The following LDLRAD4 variants were observed in gnomAD, a reference collection of about 807,000 sequenced individuals.
LDLRAD4 encodes the protein low density lipoprotein receptor class A domain containing 4, also known as low-density lipoprotein receptor class A domain-containing protein 4.
LDLRAD4 carries 5 observed loss-of-function variants against 17.0 expected under a neutral mutation model. The observed-to-expected ratio is 0.29, with a 90% confidence interval of 0.15 to 0.62. The LOEUF (loss-of-function observed/expected upper bound fraction) is 0.62, where lower values mean the gene tolerates loss of function less well. Among genes scored for constraint, LDLRAD4 ranks in the 20% least tolerant of loss-of-function variants. The pLI, the probability that LDLRAD4 is intolerant of heterozygous loss-of-function variation, is 0.84. For missense variants in LDLRAD4, 340 were observed against 424.7 expected (o/e 0.80, Z 1.75); for synonymous variants, 168 against 171.8 (o/e 0.98, Z 0.17).
intron 3 of LDLRAD4, among the ~76,000 whole-genome samples, chr18:13,460,392 C>A (rs866950961): frequency 6.6e-6 from 1 of 152,094 alleles, no homozygotes; most frequent in Non-Finnish European, 1.5e-5. Flanking sequence ...GGGGTCTCAC[C>A]GTTTTGCCCA....
intron 2 of LDLRAD4, among the ~76,000 whole-genome samples, chr18:13,411,655 C>T (rs1337602777): frequency 1.3e-5 from 2 of 152,168 alleles, no homozygotes; most frequent in Non-Finnish European, 2.9e-5. Context: ...TGACTTTGCT[C>T]CTCATTTGCC....
intron 3 of LDLRAD4, among the ~76,000 whole-genome samples, chr18:13,569,247 G>GCCTC (rs1315640804): frequency 1.3e-5 from 2 of 151,668 alleles, no homozygotes; most frequent in African/African-American, 4.9e-5. Context: ...CCACGCTTGG[G>GCCTC]CCTCCCAGGG....
intron 4 of LDLRAD4, chr18:13,642,391 A>G (rs1286452682): frequency 9.4e-7 from 1 of 1,066,830 alleles, no homozygotes; most frequent in Non-Finnish European, 1.1e-6. Flanking sequence ...AAAGGGTACC[A>G]CGCGTACTTT....
chr18:13,532,627 G>A (rs1377934800), intron 3 of LDLRAD4, among the ~76,000 whole-genome samples: 1 of 152,170 alleles, frequency 6.6e-6, no homozygotes, highest in Admixed American at 6.5e-5. Flanking sequence ...AACCAGTCTC[G>A]TCTCAGCCCC....
chr18:13,356,442 T>C (rs1219999230), intron 1 of LDLRAD4, among the ~76,000 whole-genome samples: 1 of 152,266 alleles, frequency 6.6e-6, no homozygotes, highest in East Asian at 1.9e-4. Context: ...ATCTATTTTA[T>C]TGCATCATAA....
At chr18:13,519,059 A>G (rs533142385) in intron 3 of LDLRAD4, among the ~76,000 whole-genome samples, 6 of 152,270 alleles carry the variant, frequency 3.9e-5, no homozygotes, top group East Asian at 3.8e-4. Flanking sequence ...GCAAGAGTGC[A>G]TTAAAATGGA....
intron 4 of LDLRAD4, among the ~76,000 whole-genome samples, chr18:13,627,110 A>C (rs1227069778): frequency 6.6e-6 from 1 of 152,150 alleles, no homozygotes. Flanking sequence ...TCTCTACTCA[A>C]AAATACAAAA....
chr18:13,497,207 G>A (rs1334856170), intron 3 of LDLRAD4, among the ~76,000 whole-genome samples: 1 of 151,978 alleles, frequency 6.6e-6, no homozygotes, highest in Non-Finnish European at 1.5e-5. Flanking sequence ...TTAGAGATGG[G>A]GTCTCACTCT....
chr18:13,327,141 G>A (rs551839550), intron 1 of LDLRAD4, among the ~76,000 whole-genome samples: 1 of 152,130 alleles, frequency 6.6e-6, no homozygotes, highest in African/African-American at 2.4e-5. Context: ...CGTGGACTCT[G>A]CGGCAGAGTC....
intron 3 of LDLRAD4, among the ~76,000 whole-genome samples, chr18:13,449,368 G>A (rs986384056): frequency 1.3e-5 from 2 of 152,242 alleles, no homozygotes; most frequent in Non-Finnish European, 2.9e-5. Flanking sequence ...ATGGCAGGGG[G>A]CTGGGCTGTG....
intron 4 of LDLRAD4, among the ~76,000 whole-genome samples, chr18:13,624,217 C>T (rs905589909): frequency 1.1e-4 from 17 of 152,024 alleles, no homozygotes; most frequent in African/African-American, 3.9e-4. Flanking sequence ...CCCAGGGGCA[C>T]TTCACTGTAA....
At chr18:13,259,168 C>T (rs1014869109) in intron 1 of LDLRAD4, among the ~76,000 whole-genome samples, 5 of 152,128 alleles carry the variant, frequency 3.3e-5, no homozygotes, top group South Asian at 2.1e-4. Context: ...TTCCTTCCTT[C>T]GTCCTCCTCT....
intron 3 of LDLRAD4, among the ~76,000 whole-genome samples, chr18:13,438,714 A>G (rs1384890594): frequency 6.6e-6 from 1 of 152,264 alleles, no homozygotes; most frequent in African/African-American, 2.4e-5. Flanking sequence ...TTAAATAAGC[A>G]AAGAAAGATA....
intron 1 of LDLRAD4, among the ~76,000 whole-genome samples, chr18:13,324,218 A>T (rs2081396902): frequency 6.6e-6 from 1 of 150,502 alleles, no homozygotes; most frequent in Non-Finnish European, 1.5e-5. Context: ...GCTCACTGCA[A>T]GCTCCGCCTC....
chr18:13,415,539 C>G (rs569150529), intron 2 of LDLRAD4, among the ~76,000 whole-genome samples: 168 of 152,266 alleles, frequency 1.1e-3, no homozygotes, highest in African/African-American at 3.8e-3. Flanking sequence ...AGACTTGTCT[C>G]CCCGGTGGTT....
chr18:13,525,550 G>A (rs1475955145), intron 3 of LDLRAD4, among the ~76,000 whole-genome samples: 4 of 152,240 alleles, frequency 2.6e-5, no homozygotes, highest in East Asian at 1.9e-4. Flanking sequence ...GTTGATGGGC[G>A]TGCTTCAGGG....
intron 3 of LDLRAD4, among the ~76,000 whole-genome samples, chr18:13,497,498 G>GC (rs1555715099): frequency 2.1e-5 from 3 of 144,932 alleles, no homozygotes; most frequent in African/African-American, 7.6e-5. Flanking sequence ...CTCTTGTAGT[G>GC]TTTTTTTTTT....
At chr18:13,363,895 C>T (rs931442787) in intron 1 of LDLRAD4, among the ~76,000 whole-genome samples, 2 of 152,152 alleles carry the variant, frequency 1.3e-5, no homozygotes, top group Non-Finnish European at 2.9e-5. Flanking sequence ...TTTTTCAGTG[C>T]TTGTCAGGTT....
At chr18:13,566,099 G>C (rs1316126560) in intron 3 of LDLRAD4, among the ~76,000 whole-genome samples, 1 of 152,176 alleles carries the variant, frequency 6.6e-6, no homozygotes, top group African/African-American at 2.4e-5. Context: ...TGTGGTGTCT[G>C]GTAGAGAGGG....
Sources: gnomAD v4.1 joint callset for allele counts (sites outside exome capture counted in the v4.1 genomes callset) on GRCh38, gnomAD v4.1.1 for gene constraint, MANE v1.5 for transcripts, NCBI Gene and HGNC (gene_info 2026-07-23, HGNC 2026-07-21) for gene names.